Variants in EFCAB5 observed in about 807,000 individuals in gnomAD.
EFCAB5 encodes the protein EF-hand calcium binding domain 5, also known as EF-hand calcium-binding domain-containing protein 5.
In EFCAB5, 131 loss-of-function variants were observed where a neutral mutation model predicts 167.9. The ratio of observed to expected loss-of-function variants is 0.78; its 90% CI spans 0.68 to 0.90. The LOEUF is 0.90. Among genes scored for constraint, EFCAB5 ranks in the 40% least tolerant of loss-of-function variants. The probability of loss-of-function intolerance (pLI) is 0.00; values close to 1 mark genes in which losing one functional copy is unlikely to be tolerated. For missense variants in EFCAB5, 1,663 were observed against 1,745.2 expected (o/e 0.95, Z 0.84); for synonymous variants, 574 against 602.8 (o/e 0.95, Z 0.70).
intron 20 of EFCAB5, among the ~76,000 whole-genome samples, chr17:30,091,269 G>A (rs922490424): frequency 6.6e-6 from 1 of 152,196 alleles, no homozygotes; most frequent in African/African-American, 2.4e-5. Context: ...ACATCCACTA[G>A]GCTACTCTCA....
At chr17:30,012,775 C>G (rs1203093297) in intron 7 of EFCAB5, among the ~76,000 whole-genome samples, 1 of 152,154 alleles carries the variant, frequency 6.6e-6, no homozygotes, top group East Asian at 1.9e-4. Context: ...TGGGACTGGT[C>G]CCTACAGAAT....
intron 4 of EFCAB5, among the ~76,000 whole-genome samples, chr17:29,991,410 T>C (rs986320136): frequency 1.3e-5 from 2 of 152,210 alleles, no homozygotes; most frequent in Non-Finnish European, 2.9e-5. Context: ...CACATATTTA[T>C]TGACAGCAAG....
At position 30,056,161 on chromosome 17, in the gene EFCAB5, A is replaced by G. The variant is rs150078554; in HGVS notation, c.2365+5A>G. On this transcript the variant is annotated splice_donor_5th_base_variant and intron_variant, in intron 12 of 22. Transcript: ENST00000394835. ...ATGGTAACTCCAGGTTCACAGGTAC[A>G]TGTTAACAATGAAAGTAGGAATAGA... is the stretch of plus-strand genomic sequence containing the variant. The G allele has an allele frequency of 1.2e-4, 186 of 1,601,682 alleles. 1 individual carries two copies. The African/African-American group carries it at 2.1e-3, about 18-fold the overall frequency.
At chr17:29,952,866 G>C (rs545238286) in intron 3 of EFCAB5, among the ~76,000 whole-genome samples, 1 of 151,848 alleles carries the variant, frequency 6.6e-6, no homozygotes, top group Non-Finnish European at 1.5e-5. Flanking sequence ...TATACTTGCA[G>C]GTCTTTAATA....
chr17:30,097,777 T>C (rs1268921761), intron 22 of EFCAB5, among the ~76,000 whole-genome samples: 1 of 152,246 alleles, frequency 6.6e-6, no homozygotes, highest in African/African-American at 2.4e-5. Context: ...AATTGTCTTT[T>C]ATTTTTAAAC....
chr17:29,982,399 A>G (rs2068196351), intron 4 of EFCAB5, among the ~76,000 whole-genome samples: 1 of 152,164 alleles, frequency 6.6e-6, no homozygotes, highest in African/African-American at 2.4e-5. Context: ...TCAAAAAAAA[A>G]AGAAAGAAAG....
chr17:29,956,290 A>G (rs1004570711), intron 3 of EFCAB5, among the ~76,000 whole-genome samples: 1 of 152,242 alleles, frequency 6.6e-6, no homozygotes, highest in African/African-American at 2.4e-5. Flanking sequence ...TAATTGAACA[A>G]AGAACAATTC....
chr17:30,088,573 G>T (rs149019667), intron 19 of EFCAB5, among the ~76,000 whole-genome samples: 8 of 152,134 alleles, frequency 5.3e-5, no homozygotes, highest in African/African-American at 1.2e-4. Context: ...AGAAGGCAAA[G>T]CATGTTGTAT....
At chr17:30,017,746 A>C (rs905509515) in intron 7 of EFCAB5, among the ~76,000 whole-genome samples, 2 of 152,162 alleles carry the variant, frequency 1.3e-5, no homozygotes, top group African/African-American at 4.8e-5. Context: ...AAAAGATGAG[A>C]GTATTTAATA....
chr17:30,080,962 A>G lies in EFCAB5; in HGVS notation c.3407A>G (p.His1136Arg), dbSNP rs776960789. The change falls in exon 17 of 23, where the codon CAT (histidine) becomes CGT (arginine). Residue 1136 changes from histidine to arginine, a missense_variant. Coordinates refer to ENST00000394835, the MANE Select transcript of EFCAB5 (RefSeq NM_198529.4). The part of the protein sequence containing the change: ...DPHEINIFLP[H>R]EIRFYQGVAN... ...CACGAAATAAACATCTTTCTACCTC[A>G]TGAGATCAGATTCTATCAGGTAAGT... 2.5e-6 allele frequency: 4 copies of G among 1,612,674 alleles called. No homozygotes were observed. The highest frequency in any genetic ancestry group is 1.9e-4 in the Middle Eastern group (1 of 5,270).
chr17:30,003,269 T>C (rs2068703470), intron 7 of EFCAB5, among the ~76,000 whole-genome samples: 1 of 152,122 alleles, frequency 6.6e-6, no homozygotes, highest in Non-Finnish European at 1.5e-5. Context: ...AGGTTCTTGC[T>C]CTGTTACCCA....
chr17:30,103,086 T>A (rs2071402399), intron 22 of EFCAB5, among the ~76,000 whole-genome samples: 1 of 151,960 alleles, frequency 6.6e-6, no homozygotes, highest in Non-Finnish European at 1.5e-5. Flanking sequence ...ACCTGCCTTG[T>A]CCTCCCAAGT....
At chr17:30,084,401 T>C (rs1390721754) in intron 18 of EFCAB5, among the ~76,000 whole-genome samples, 5 of 152,078 alleles carry the variant, frequency 3.3e-5, no homozygotes, top group Non-Finnish European at 7.4e-5. Context: ...TAGGGCACCA[T>C]GGAAAAGCCA....
chr17:29,943,692 G>A, intron 3 of EFCAB5, 43 bp downstream of exon 3: 1 of 1,517,654 alleles, frequency 6.6e-7, no homozygotes. Flanking sequence ...ATCTAAAACT[G>A]GCTGGGCGTG....
At chr17:29,946,598 G>A (rs2067405194) in intron 3 of EFCAB5, among the ~76,000 whole-genome samples, 1 of 151,774 alleles carries the variant, frequency 6.6e-6, no homozygotes, top group Non-Finnish European at 1.5e-5. Context: ...CACCAAGCCT[G>A]GCTAATTTTT....
intron 21 of EFCAB5, among the ~76,000 whole-genome samples, chr17:30,092,607 T>G (rs1597566091): frequency 6.6e-6 from 1 of 152,196 alleles, no homozygotes; most frequent in Admixed American, 6.5e-5. Context: ...CAGGCTGGTC[T>G]CGAACTCCTG....
At chr17:30,094,576 A>T (rs1301843851) in intron 22 of EFCAB5, among the ~76,000 whole-genome samples, 4 of 151,274 alleles carry the variant, frequency 2.6e-5, no homozygotes, top group Non-Finnish European at 5.9e-5. Context: ...CCAGCTACTC[A>T]GGAGGCTGAG....
intron 14 of EFCAB5, chr17:30,069,596 T>C (rs1340990835): frequency 7.4e-6 from 12 of 1,613,058 alleles, no homozygotes; most frequent in Non-Finnish European, 1.0e-5. Context: ...CGTGATGTGC[T>C]CCTTCTCCTT....
intron 7 of EFCAB5, among the ~76,000 whole-genome samples, chr17:30,027,187 G>A (rs999341341): frequency 6.7e-6 from 1 of 149,524 alleles, no homozygotes; most frequent in African/African-American, 2.5e-5. Flanking sequence ...GGGTTTCACC[G>A]TGTTAGCCAG....
Sources: gnomAD v4.1 joint callset for allele counts (sites outside exome capture counted in the v4.1 genomes callset) on GRCh38, gnomAD v4.1.1 for gene constraint, MANE v1.5 for transcripts, NCBI Gene and HGNC (gene_info 2026-07-23, HGNC 2026-07-21) for gene names.